ASH1L: variants seen among roughly 807,000 people sequenced by gnomAD.
ASH1L encodes ASH1 like histone lysine methyltransferase, also known as histone-lysine N-methyltransferase ASH1L.
In ASH1L, 23 loss-of-function variants were observed where a neutral mutation model predicts 269.0. The observed-to-expected ratio is 0.09, with a 90% CI of 0.06 to 0.12. The LOEUF is 0.12. Ranked by LOEUF, ASH1L falls within the 10% of genes least tolerant of loss-of-function variation. The pLI is 1.00. For synonymous variants in ASH1L, 1,187 were observed against 1,253.5 expected (o/e 0.95, Z 1.12); for missense variants, 2,912 against 3,567.8 (o/e 0.82, Z 4.68).
chr1:155,533,981 A>G (rs889335759), intron 1 of ASH1L, among the ~76,000 whole-genome samples: 5 of 151,968 alleles, frequency 3.3e-5, no homozygotes, highest in Non-Finnish European at 7.4e-5. Flanking sequence ...TACCGTCATG[A>G]GTAACACAAA....
At position 155,390,031 on chromosome 1, in the gene ASH1L, C is replaced by T. The variant is rs535914300; in HGVS notation, c.6103+5428G>A. ...TGACTTAATACACTGCCTAGAACAT[C>T]CATGTAATGCTGAGTCAGAGTGGAC... is the stretch of plus-strand genomic sequence containing the variant. On this transcript the variant is annotated intron_variant, in intron 7 of 27. Coordinates refer to ENST00000392403, the MANE Select transcript of ASH1L (RefSeq NM_018489.3). Among the ~76,000 whole-genome samples the T allele has an allele frequency of 3.4e-3, 522 of 152,036 alleles. 2 individuals carry two copies. Among genetic ancestry groups the T allele is most frequent in the South Asian group, 0.03 (143 of 4,802 alleles).
chr1:155,377,837 C>G (rs547093940), intron 10 of ASH1L, among the ~76,000 whole-genome samples: 1 of 151,884 alleles, frequency 6.6e-6, no homozygotes, highest in African/African-American at 2.4e-5. Context: ...CTGGCTAATA[C>G]GGTGAAATCC....
At chr1:155,409,934 G>A (rs1659628763) in intron 6 of ASH1L, among the ~76,000 whole-genome samples, 1 of 152,006 alleles carries the variant, frequency 6.6e-6, no homozygotes, top group Non-Finnish European at 1.5e-5. Flanking sequence ...GGGAAGCTGG[G>A]GCGGGCAGAT....
chr1:155,483,297 C>A (rs1013361698), intron 2 of ASH1L, among the ~76,000 whole-genome samples: 1 of 152,066 alleles, frequency 6.6e-6, no homozygotes, highest in Admixed American at 6.5e-5. Context: ...AAATTTAATG[C>A]AATCTCAATA....
At chr1:155,426,049 C>T (rs1355139916) in intron 5 of ASH1L, among the ~76,000 whole-genome samples, 3 of 151,626 alleles carry the variant, frequency 2.0e-5, no homozygotes, top group South Asian at 2.1e-4. Context: ...CCACCATGCC[C>T]GGCTAATTTT....
At chr1:155,444,989 A>C (rs1662898512) in intron 4 of ASH1L, among the ~76,000 whole-genome samples, 1 of 152,074 alleles carries the variant, frequency 6.6e-6, no homozygotes, top group African/African-American at 2.4e-5. Flanking sequence ...CCAAGGTCTT[A>C]AAGATTTTTT....
At chr1:155,508,895 C>T (rs10158433) in intron 2 of ASH1L, among the ~76,000 whole-genome samples, 7,208 of 152,072 alleles carry the variant, frequency 0.047, 591 homozygotes, top group African/African-American at 0.17. Context: ...TCAAGTCATG[C>T]GCTAGGGGCA....
intron 13 of ASH1L, among the ~76,000 whole-genome samples, chr1:155,358,556 C>T (rs1251685376): frequency 1.3e-5 from 2 of 151,888 alleles, no homozygotes; most frequent in Non-Finnish European, 2.9e-5. Context: ...GGTGTGGTGA[C>T]AGGCACCTGT....
Position 155,459,856 on chromosome 1 carries a change from T to G in ASH1L, c.5027A>C (p.Glu1676Ala), listed in dbSNP as rs1417858503. ...CCGGGTAGGGCTACAATTTGTGCTC[T>G]CTGATGGCCGCTGGGAGGGTTTATC... ...TSDKPSQRPS[E>A]STNCSPTRKR... is the part of the protein sequence containing the mutation. The change falls in exon 4 of 28, where the codon GAG becomes GCG. Residue 1676 changes from glutamate to alanine, a missense_variant. By Grantham distance (107) the Glu-to-Ala change is moderately radical. This residue lies in a region of ASH1L where 789 missense variants were observed against 897.6 expected (regional missense o/e 0.88). Transcript: ENST00000392403. The G allele has an allele frequency of 6.2e-7, 1 of 1,612,488 alleles. No individual in the cohort carries two copies. The highest frequency in any genetic ancestry group is 8.5e-7 in the Non-Finnish European group (1 of 1,179,438).
intron 1 of ASH1L, among the ~76,000 whole-genome samples, chr1:155,533,489 G>A (rs969951750): frequency 6.6e-6 from 1 of 151,730 alleles, no homozygotes; most frequent in Non-Finnish European, 1.5e-5. Context: ...CGAGGCGGGT[G>A]GATCATGAGG....
rs545878218 is a variant in ASH1L, at chr1:155,354,064, C to G, written c.7213+409G>C. 8.9e-4 allele frequency among the ~76,000 whole-genome samples: 135 copies of G among 152,324 alleles called. No individual in the cohort carries two copies. In the Middle Eastern group the frequency reaches 0.017, roughly 19 times the overall value. On this transcript the variant is annotated intron_variant, in intron 16 of 27. Coordinates refer to ENST00000392403, the MANE Select transcript of ASH1L (RefSeq NM_018489.3). ...CTGACTGATGTGTACATATTTGGAT[C>G]ATAACTTTTTTGGTCAATACTAAAA... is the stretch of plus-strand genomic sequence containing the variant.
In ASH1L at chr1:155,478,086, G is replaced by C. The variant is rs781198272; in HGVS notation, c.4784C>G (p.Ser1595Cys). The change falls in exon 3 of 28, where the codon TCT becomes TGT. Residue 1595 changes from serine (S) to cysteine (C), a missense_variant. Ser to Cys is a moderately radical substitution (Grantham distance 112). Transcript: ENST00000392403. The surrounding 1 kb of genome is among the most constrained non-coding windows in gnomAD (Gnocchi z 4.6). The part of the protein sequence containing the change: ...SLSLGGFTPN[S>C]EPASSDEHTN... The stretch of plus-strand genomic sequence containing the variant: ...ATGTTCATCACTGCTGGCTGGCTCA[G>C]AGTTGGGAGTGAATCCTCCAAGGGA... 8 of 1,614,206 alleles carry C rather than the reference G, an allele frequency of 5.0e-6. No individual in the cohort carries two copies. The highest frequency in any genetic ancestry group is 2.2e-5 in the East Asian group (1 of 44,878).
At chr1:155,351,068 T>A (rs912593284) in intron 17 of ASH1L, among the ~76,000 whole-genome samples, 8 of 149,118 alleles carry the variant, frequency 5.4e-5, no homozygotes, top group African/African-American at 1.7e-4. Flanking sequence ...AAACCCTGTC[T>A]CTACTAAAAA....
At chr1:155,461,637 C>CTT in intron 3 of ASH1L, among the ~76,000 whole-genome samples, 1 of 152,190 alleles carries the variant, frequency 6.6e-6, no homozygotes, top group Non-Finnish European at 1.5e-5. Context: ...GAAGACATAA[C>CTT]TTTAAGTATT....
At chr1:155,437,037 T>C in intron 5 of ASH1L, among the ~76,000 whole-genome samples, 1 of 152,182 alleles carries the variant, frequency 6.6e-6, no homozygotes, top group East Asian at 1.9e-4. Context: ...TTCGCTGGTC[T>C]ATATGTCTCT....
At chr1:155,445,759 C>A (rs571737090) in intron 4 of ASH1L, among the ~76,000 whole-genome samples, 1 of 152,228 alleles carries the variant, frequency 6.6e-6, no homozygotes, top group Non-Finnish European at 1.5e-5. Context: ...TCAAAAATGC[C>A]TCTGACATAT....
chr1:155,518,051 C>A (rs1055530658), intron 2 of ASH1L, among the ~76,000 whole-genome samples: 8 of 152,006 alleles, frequency 5.3e-5, no homozygotes, highest in Admixed American at 2.6e-4. Flanking sequence ...CCGCCCGCCT[C>A]GGCCTCCCAA....
chr1:155,376,510 G>A (rs370206441), intron 10 of ASH1L, among the ~76,000 whole-genome samples: 1 of 151,984 alleles, frequency 6.6e-6, no homozygotes, highest in East Asian at 1.9e-4. Flanking sequence ...TTTCAGTGCC[G>A]TTTAAAATTA....
rs749553535 is a variant in ASH1L, at chr1:155,359,888, C to CT, written c.6795+412dup. Among the ~76,000 whole-genome samples the CT allele has an allele frequency of 1.2e-3, 173 of 145,744 alleles. 1 individual carries two copies. Among genetic ancestry groups the CT allele is most frequent in the Middle Eastern group, 3.6e-3 (1 of 278 alleles). Reference sequence around the variant, plus strand: ...GCCATTGCGCCTGACCTCCCATATACTTTTTTTTTTTTTGAGACAGAGTCA... The same window carrying CT: ...GCCATTGCGCCTGACCTCCCATATACTTTTTTTTTTTTTTGAGACAGAGTCA... On this transcript the variant is annotated intron_variant, in intron 13 of 27. Transcript: ENST00000392403.
Sources: gnomAD v4.1 joint callset for allele counts (sites outside exome capture counted in the v4.1 genomes callset) on GRCh38, gnomAD v4.1.1 for gene constraint, gnomAD v4.1.1 regional missense constraint, Gnocchi (gnomAD v3.1) non-coding constraint, MANE v1.5 for transcripts, NCBI Gene and HGNC (gene_info 2026-07-23, HGNC 2026-07-21) for gene names.